ROBO2: variants seen among roughly 807,000 people sequenced by gnomAD.
The protein encoded by ROBO2 is roundabout homolog 2.
A neutral mutation model predicts 160.8 loss-of-function variants in ROBO2; 53 were observed. The observed-to-expected ratio is 0.33, with a 90% confidence interval of 0.26 to 0.41. The LOEUF is 0.41. Among genes scored for constraint, ROBO2 ranks in the 10% least tolerant of loss-of-function variants. ROBO2 has a pLI of 1.00. For missense variants in ROBO2, 1,577 were observed against 1,722.4 expected, an observed-to-expected ratio of 0.92 and a Z score of 1.49; for synonymous variants, 664 against 611.7, an observed-to-expected ratio of 1.09 and a Z score of -1.26.
At chr3:76,913,496 T>C (rs1437569503) in intron 2 of ROBO2, among the ~76,000 whole-genome samples, 1 of 152,260 alleles carries the variant, frequency 6.6e-6, no homozygotes, top group African/African-American at 2.4e-5. Context: ...GTTATTTCTA[T>C]GTATTATTCT....
chr3:77,074,104 A>AT (rs2067693376), intron 1 of ROBO2, among the ~76,000 whole-genome samples: 1 of 152,206 alleles, frequency 6.6e-6, no homozygotes, highest in Non-Finnish European at 1.5e-5. Context: ...TTAATAATTT[A>AT]TTTTTATCAC....
intron 2 of ROBO2, among the ~76,000 whole-genome samples, chr3:76,663,221 T>C (rs1431683528): frequency 1.3e-5 from 2 of 152,080 alleles, no homozygotes; most frequent in Non-Finnish European, 2.9e-5. Flanking sequence ...ACCGACTGAG[T>C]ATTGGTACCA....
At chr3:76,766,335 A>G (rs898560614) in intron 2 of ROBO2, among the ~76,000 whole-genome samples, 3 of 151,700 alleles carry the variant, frequency 2.0e-5, no homozygotes, top group Admixed American at 6.6e-5. Flanking sequence ...TAATGCTTAG[A>G]TAATAATAAT....
intron 2 of ROBO2, among the ~76,000 whole-genome samples, chr3:76,592,801 A>G (rs1330163208): frequency 6.6e-6 from 1 of 152,064 alleles, no homozygotes; most frequent in Admixed American, 6.6e-5. Flanking sequence ...TGCTTCCATA[A>G]TCATGCAGGT....
intron 2 of ROBO2, among the ~76,000 whole-genome samples, chr3:75,996,201 A>C (rs1206710394): frequency 6.6e-6 from 1 of 152,150 alleles, no homozygotes; most frequent in African/African-American, 2.4e-5. Flanking sequence ...TGCCCACCTA[A>C]ATCTCATCTT....
intron 2 of ROBO2, among the ~76,000 whole-genome samples, chr3:77,115,291 A>C (rs1579102679): frequency 6.6e-6 from 1 of 152,294 alleles, no homozygotes; most frequent in East Asian, 1.9e-4. Flanking sequence ...CTATTTTTCA[A>C]AGAATATTTA....
intron 2 of ROBO2, among the ~76,000 whole-genome samples, chr3:76,676,178 C>T (rs1300954324): frequency 1.3e-5 from 2 of 152,042 alleles, no homozygotes; most frequent in Non-Finnish European, 2.9e-5. Context: ...GAATTATAAT[C>T]CCCACGTGTT....
At chr3:76,518,926 A>T (rs1208066050) in intron 2 of ROBO2, among the ~76,000 whole-genome samples, 1 of 152,224 alleles carries the variant, frequency 6.6e-6, no homozygotes, top group Non-Finnish European at 1.5e-5. Flanking sequence ...TGAAGGAGAA[A>T]GACGTACAAA....
At chr3:76,287,286 CT>C (rs796956602) in intron 2 of ROBO2, among the ~76,000 whole-genome samples, 2 of 149,320 alleles carry the variant, frequency 1.3e-5, no homozygotes, top group Non-Finnish European at 3.0e-5. Flanking sequence ...TCCTTTCTTT[CT>C]TTTTTTTCTT....
At chr3:77,364,301 G>A (rs9841305) in intron 2 of ROBO2, among the ~76,000 whole-genome samples, 61,583 of 151,766 alleles carry the variant, frequency 0.41, 13,231 homozygotes, top group East Asian at 0.71. Context: ...GTGCCTCCCA[G>A]GCAATGTTCA....
At chr3:77,132,281 A>G (rs2075917374) in intron 2 of ROBO2, among the ~76,000 whole-genome samples, 1 of 152,140 alleles carries the variant, frequency 6.6e-6, no homozygotes, top group South Asian at 2.1e-4. Context: ...GCCAAGAGAC[A>G]GAGTACTTGG....
chr3:77,219,470 A>G (rs59290292), intron 2 of ROBO2, among the ~76,000 whole-genome samples: 227 of 45,982 alleles, frequency 4.9e-3, no homozygotes, highest in African/African-American at 0.015. Flanking sequence ...GTATCTGTGT[A>G]TATATATATA....
intron 2 of ROBO2, among the ~76,000 whole-genome samples, chr3:76,520,142 G>A (rs1472563835): frequency 2.0e-5 from 3 of 151,940 alleles, no homozygotes; most frequent in South Asian, 2.1e-4. Flanking sequence ...TGCATCATTG[G>A]TCCTCATCGC....
chr3:77,536,791 C>T (rs925397408), intron 6 of ROBO2, among the ~76,000 whole-genome samples: 1 of 152,082 alleles, frequency 6.6e-6, no homozygotes, highest in Non-Finnish European at 1.5e-5. Context: ...GTGGTACGTT[C>T]CAGTAATATT....
At position 76,586,115 on chromosome 3, in the gene ROBO2, T is replaced by A. The variant is rs534020663; in HGVS notation, c.110-511899T>A. Among the ~76,000 whole-genome samples, 10 of 152,292 alleles carry A rather than the reference T, an allele frequency of 6.6e-5. No individual in the cohort carries two copies. The South Asian group carries it at 2.1e-3, about 32-fold the overall frequency. On this transcript the variant is annotated intron_variant, in intron 2 of 26. Transcript: ENST00000487694. ...ATAGTCTTTACACACAACACCAGTA[T>A]TTTTTGTTAAAGTTTTCAGGATAAT...
At chr3:77,440,542 A>G (rs2079810525) in intron 2 of ROBO2, among the ~76,000 whole-genome samples, 1 of 152,174 alleles carries the variant, frequency 6.6e-6, no homozygotes, top group Non-Finnish European at 1.5e-5. Flanking sequence ...GCCCATATAT[A>G]TGGGTCATGA....
chr3:76,764,243 G>A (rs568841691), intron 2 of ROBO2, among the ~76,000 whole-genome samples: 26 of 136,712 alleles, frequency 1.9e-4, no homozygotes, highest in South Asian at 1.3e-3. Context: ...AACATGTCAC[G>A]GCTAAGTTAA....
intron 2 of ROBO2, among the ~76,000 whole-genome samples, chr3:77,236,801 G>GTA (rs1219307406): frequency 6.6e-6 from 1 of 152,038 alleles, no homozygotes; most frequent in Admixed American, 6.5e-5. Flanking sequence ...ATCATATAGG[G>GTA]TAGCCTTTTC....
At chr3:76,759,283 A>T (rs1576460716) in intron 2 of ROBO2, among the ~76,000 whole-genome samples, 1 of 151,936 alleles carries the variant, frequency 6.6e-6, no homozygotes, top group Admixed American at 6.6e-5. Flanking sequence ...ACTCACTAAA[A>T]TCGAATCAAT....
Sources: gnomAD v4.1 joint callset for allele counts (sites outside exome capture counted in the v4.1 genomes callset) on GRCh38, gnomAD v4.1.1 for gene constraint, MANE v1.5 for transcripts, NCBI Gene and HGNC (gene_info 2026-07-23, HGNC 2026-07-21) for gene names.